LIPC: variants seen among roughly 807,000 people sequenced by gnomAD.
The protein encoded by LIPC is hepatic triacylglycerol lipase.
LIPC carries 44 observed loss-of-function variants against 50.7 expected under a neutral mutation model. That is an observed-to-expected ratio of 0.87 (90% CI 0.68 to 1.11). The LOEUF (loss-of-function observed/expected upper bound fraction) is 1.11. Ranked by LOEUF, LIPC falls within the 50% of genes most tolerant of loss-of-function variation. The probability of loss-of-function intolerance (pLI) is 0.00; values close to 1 mark genes in which losing one functional copy is unlikely to be tolerated. For synonymous variants in LIPC, 271 were observed against 256.4 expected, an observed-to-expected ratio of 1.06 and a Z score of -0.54; for missense variants, 697 against 648.2, an observed-to-expected ratio of 1.08 and a Z score of -0.82.
intron 1 of LIPC, among the ~76,000 whole-genome samples, chr15:58,526,185 G>T (rs554294426): frequency 6.6e-6 from 1 of 152,212 alleles, no homozygotes; most frequent in Non-Finnish European, 1.5e-5. Flanking sequence ...GCACCCAGGA[G>T]TCTGCATCTC....
intron 1 of LIPC, among the ~76,000 whole-genome samples, chr15:58,496,164 G>A (rs1891756960): frequency 6.6e-6 from 1 of 152,044 alleles, no homozygotes. Flanking sequence ...TGGGACATTT[G>A]GCAATATCTG....
intron 1 of LIPC, among the ~76,000 whole-genome samples, chr15:58,524,139 A>AG (rs572275984): frequency 9.4e-4 from 143 of 152,236 alleles, no homozygotes; most frequent in African/African-American, 3.3e-3. Context: ...AACCTTACGC[A>AG]GCTGAAAGCC....
chr15:58,504,370 A>G (rs2140843864), intron 1 of LIPC, among the ~76,000 whole-genome samples: 1 of 152,346 alleles, frequency 6.6e-6, no homozygotes, highest in Non-Finnish European at 1.5e-5. Flanking sequence ...GACCATTCAG[A>G]AAAGATGCTT....
intron 5 of LIPC, 95 bp downstream of exon 5, chr15:58,546,070 G>A: frequency 1.8e-6 from 2 of 1,099,476 alleles, no homozygotes; most frequent in South Asian, 1.3e-5. Context: ...ACTCAGGGAA[G>A]AGTTCAGCAA....
intron 1 of LIPC, among the ~76,000 whole-genome samples, chr15:58,447,635 T>G (rs1021129913): frequency 6.6e-6 from 1 of 152,216 alleles, no homozygotes; most frequent in Non-Finnish European, 1.5e-5. Context: ...AATTGTGCTT[T>G]CCAGGCCAGA....
intron 2 of LIPC, 93 bp downstream of exon 2, chr15:58,538,610 G>T: frequency 1.6e-6 from 2 of 1,262,994 alleles, no homozygotes; most frequent in Non-Finnish European, 2.3e-6. Flanking sequence ...ATAGGGAGCT[G>T]GTGATAACAA....
At chr15:58,499,436 G>T (rs1350072215) in intron 1 of LIPC, among the ~76,000 whole-genome samples, 8 of 152,202 alleles carry the variant, frequency 5.3e-5, no homozygotes, top group Non-Finnish European at 7.3e-5. Flanking sequence ...CTTTAGGAAT[G>T]AGTATGTAAC....
chr15:58,496,035 T>C (rs111606268), intron 1 of LIPC, among the ~76,000 whole-genome samples: 3,791 of 152,248 alleles, frequency 0.025, 69 homozygotes, highest in South Asian at 0.099. Context: ...TCTGACCACA[T>C]AGCTCCCTGC....
At chr15:58,453,669 G>C (rs184000285) in intron 1 of LIPC, among the ~76,000 whole-genome samples, 5 of 151,982 alleles carry the variant, frequency 3.3e-5, no homozygotes, top group Middle Eastern at 3.2e-3. Flanking sequence ...GGGAGGCCGA[G>C]GCAGGTGGAT....
chr15:58,502,146 G>A (rs1378221253), intron 1 of LIPC, among the ~76,000 whole-genome samples: 1 of 152,150 alleles, frequency 6.6e-6, no homozygotes, highest in Non-Finnish European at 1.5e-5. Context: ...TTCCCAGAGT[G>A]GGGCAGGAAG....
chr15:58,490,322 C>T (rs889638578), intron 1 of LIPC, among the ~76,000 whole-genome samples: 8 of 152,198 alleles, frequency 5.3e-5, no homozygotes, highest in Non-Finnish European at 1.0e-4. Flanking sequence ...ACAGCCAGAG[C>T]TTCTGCCAGG....
intron 1 of LIPC, among the ~76,000 whole-genome samples, chr15:58,500,425 C>T (rs1384123095): frequency 6.6e-6 from 1 of 152,198 alleles, no homozygotes; most frequent in Non-Finnish European, 1.5e-5. Flanking sequence ...CTCCATGTTG[C>T]TCTTGTGTCC....
At chr15:58,546,120 G>C (rs1262890559) in intron 5 of LIPC, 145 bp downstream of exon 5, 2 of 765,066 alleles carry the variant, frequency 2.6e-6, no homozygotes, top group Admixed American at 2.1e-5. Context: ...AGCCCACCCA[G>C]AGAGAAGGAA....
chr15:58,494,677 C>T (rs182182267), intron 1 of LIPC: 3 of 443,316 alleles, frequency 6.8e-6, no homozygotes, highest in East Asian at 7.0e-5. Context: ...TTCACATTGC[C>T]AATACCCAGC....
intron 1 of LIPC, among the ~76,000 whole-genome samples, chr15:58,472,741 G>C (rs1160828184): frequency 6.6e-6 from 1 of 152,088 alleles, no homozygotes; most frequent in East Asian, 1.9e-4. Context: ...ATAAAGGCAA[G>C]TAAGTGCCAG....
chr15:58,466,044 G>A lies in LIPC; in HGVS notation c.88+33924G>A, dbSNP rs183222181. 6.6e-5 allele frequency among the ~76,000 whole-genome samples: 10 copies of A among 152,282 alleles called. No homozygotes were observed. In the East Asian group the frequency reaches 1.9e-3, roughly 29 times the overall value. On this transcript the variant is annotated intron_variant, in intron 1 of 8. Coordinates refer to ENST00000299022, the MANE Select transcript of LIPC (RefSeq NM_000236.3). ...TACTTCCAAAACCAACAGATGTTTG[G>A]GCTGTCATCATTATGCCTGTACTAA...
intron 1 of LIPC, among the ~76,000 whole-genome samples, chr15:58,515,550 A>ATC (rs1566935654): frequency 3.3e-5 from 5 of 151,046 alleles, no homozygotes; most frequent in Middle Eastern, 3.2e-3. Flanking sequence ...ATATATATAT[A>ATC]TATCTCAAAA....
At chr15:58,525,395 T>C (rs1357894792) in intron 1 of LIPC, among the ~76,000 whole-genome samples, 1 of 152,262 alleles carries the variant, frequency 6.6e-6, no homozygotes, top group Non-Finnish European at 1.5e-5. Context: ...CATAGTCCTT[T>C]TTAGTTCAGA....
At chr15:58,497,439 C>A (rs4775060) in intron 1 of LIPC, among the ~76,000 whole-genome samples, 2,054 of 152,260 alleles carry the variant, frequency 0.013, 170 homozygotes, top group Admixed American at 0.11. Flanking sequence ...CAGCTCCTGC[C>A]CTCCACAGCA....
Sources: allele counts gnomAD v4.1 joint callset (sites outside exome capture counted in the v4.1 genomes callset), GRCh38; gene constraint gnomAD v4.1.1; transcripts MANE v1.5; gene names NCBI Gene and HGNC (gene_info 2026-07-23, HGNC 2026-07-21).